CARMIL1: variants seen among roughly 807,000 people sequenced by gnomAD.
CARMIL1 encodes F-actin-uncapping protein LRRC16A.
A neutral mutation model predicts 177.1 loss-of-function variants in CARMIL1; 90 were observed. The ratio of observed to expected loss-of-function variants is 0.51; its 90% confidence interval spans 0.43 to 0.61. The LOEUF (loss-of-function observed/expected upper bound fraction) is 0.61, where lower values mean the gene tolerates loss of function less well. Among genes scored for constraint, CARMIL1 ranks in the 20% least tolerant of loss-of-function variants. The pLI is 0.00. For synonymous variants in CARMIL1, 577 were observed against 606.2 expected (o/e 0.95, Z 0.71); for missense variants, 1,380 against 1,667.0 (o/e 0.83, Z 3.00).
intron 2 of CARMIL1, among the ~76,000 whole-genome samples, chr6:25,372,633 G>A (rs1355174230): frequency 1.3e-5 from 2 of 152,094 alleles, no homozygotes; most frequent in African/African-American, 4.8e-5. Context: ...TCAAATCTAG[G>A]AGTCTTTTGG....
At chr6:25,564,471 C>T (rs1414132031) in intron 29 of CARMIL1, among the ~76,000 whole-genome samples, 2 of 152,134 alleles carry the variant, frequency 1.3e-5, no homozygotes, top group Non-Finnish European at 2.9e-5. Flanking sequence ...AATTTGTTAC[C>T]ATATGTACTC....
chr6:25,516,098 A>G (rs565287282), intron 21 of CARMIL1, among the ~76,000 whole-genome samples: 3 of 152,246 alleles, frequency 2.0e-5, no homozygotes, highest in African/African-American at 7.2e-5. Context: ...AACTGCCACA[A>G]TTTCCTATTT....
In CARMIL1 at chr6:25,441,337, A is replaced by ATATATATATATATATATG; in HGVS notation, c.371+5734_371+5735insATATATATATATATATGT. Among the ~76,000 whole-genome samples, 431 of 94,490 alleles carry ATATATATATATATATATG rather than the reference A, an allele frequency of 4.6e-3. 4 individuals are homozygous for ATATATATATATATATATG. Among genetic ancestry groups the ATATATATATATATATATG allele is most frequent in the Non-Finnish European group, 5.8e-3 (286 of 49,258 alleles). The allele number at this position is 94,490 out of a possible 152,430, so 62.0% of individuals were successfully genotyped here. A position where few individuals can be genotyped will look rare whatever the true frequency, so the allele number is the denominator to read the frequency against. ...CAAACAAACATATATATATATATAT[A>ATATATATATATATATATG]TGTGTGTGTGTGTGTGTGTGTGTGT... On this transcript the variant is annotated intron_variant, in intron 5 of 36. Transcript: ENST00000329474.
At chr6:25,452,243 T>C in intron 8 of CARMIL1, 1 of 763,552 alleles carries the variant, frequency 1.3e-6, no homozygotes, top group Non-Finnish European at 2.4e-6. Flanking sequence ...TTTTTCCTGC[T>C]TAGAGCAGTT....
chr6:25,514,419 C>T (rs301387), intron 20 of CARMIL1, among the ~76,000 whole-genome samples: 65,988 of 151,324 alleles, frequency 0.44, 14,736 homozygotes, highest in Middle Eastern at 0.52. Context: ...TGGTGGTGGG[C>T]GCCTGTAATC....
intron 29 of CARMIL1, among the ~76,000 whole-genome samples, chr6:25,557,822 T>C (rs1810765186): frequency 6.6e-6 from 1 of 152,214 alleles, no homozygotes; most frequent in African/African-American, 2.4e-5. Flanking sequence ...TACTTATTTA[T>C]AAACCACTGT....
intron 12 of CARMIL1, among the ~76,000 whole-genome samples, chr6:25,484,891 C>A (rs1802471196): frequency 6.6e-6 from 1 of 152,006 alleles, no homozygotes; most frequent in Non-Finnish European, 1.5e-5. Context: ...TTTTTAAAAA[C>A]CTGATTATAT....
At chr6:25,589,770 G>T (rs776450999) in intron 31 of CARMIL1, among the ~76,000 whole-genome samples, 1 of 152,136 alleles carries the variant, frequency 6.6e-6, no homozygotes, top group Admixed American at 6.5e-5. Context: ...TTACAGGTGC[G>T]AGTCACCACA....
At chr6:25,380,467 G>A (rs1791411833) in intron 2 of CARMIL1, among the ~76,000 whole-genome samples, 1 of 152,168 alleles carries the variant, frequency 6.6e-6, no homozygotes, top group South Asian at 2.1e-4. Flanking sequence ...GCTCTCTGGA[G>A]TGGTTTGCTG....
intron 3 of CARMIL1, among the ~76,000 whole-genome samples, chr6:25,425,054 A>G (rs1796170797): frequency 6.6e-6 from 1 of 152,254 alleles, no homozygotes; most frequent in African/African-American, 2.4e-5. Context: ...ATGACTTTTC[A>G]AAACCAAATT....
intron 2 of CARMIL1, among the ~76,000 whole-genome samples, chr6:25,325,350 G>C (rs953618865): frequency 2.0e-5 from 3 of 152,200 alleles, no homozygotes; most frequent in African/African-American, 7.2e-5. Flanking sequence ...ATTTGTAAAA[G>C]TGTCATCTGG....
intron 5 of CARMIL1, among the ~76,000 whole-genome samples, chr6:25,445,087 C>G (rs956562512): frequency 1.3e-5 from 2 of 152,184 alleles, no homozygotes; most frequent in African/African-American, 4.8e-5. Flanking sequence ...GAGATGGTAT[C>G]TCATTGTGGT....
intron 15 of CARMIL1, among the ~76,000 whole-genome samples, chr6:25,494,303 A>G (rs867905690): frequency 2.0e-5 from 3 of 152,244 alleles, no homozygotes; most frequent in Middle Eastern, 3.4e-3. Context: ...CTTACTCTGC[A>G]TCAGCCTAAG....
chr6:25,523,923 A>G (rs1806829253), intron 23 of CARMIL1, among the ~76,000 whole-genome samples: 1 of 152,202 alleles, frequency 6.6e-6, no homozygotes, highest in South Asian at 2.1e-4. Flanking sequence ...AAAAACTCCT[A>G]GGGGTCCAGT....
intron 5 of CARMIL1, among the ~76,000 whole-genome samples, chr6:25,436,420 T>C (rs1039260359): frequency 1.3e-5 from 2 of 152,240 alleles, no homozygotes; most frequent in African/African-American, 4.8e-5. Flanking sequence ...ATGTGTAGCA[T>C]GCTAGCTGTG....
chr6:25,560,613 G>C (rs892147110), intron 29 of CARMIL1, among the ~76,000 whole-genome samples: 1 of 152,164 alleles, frequency 6.6e-6, no homozygotes, highest in African/African-American at 2.4e-5. Context: ...AACTGAGGGA[G>C]AGAAAAGTAA....
intron 2 of CARMIL1, among the ~76,000 whole-genome samples, chr6:25,305,115 G>A (rs1783159307): frequency 1.3e-5 from 2 of 152,158 alleles, no homozygotes; most frequent in Admixed American, 6.5e-5. Context: ...TGTCCTGGTG[G>A]CAGAAGACAT....
intron 31 of CARMIL1, among the ~76,000 whole-genome samples, chr6:25,590,799 C>G (rs527657707): frequency 6.6e-6 from 1 of 152,024 alleles, no homozygotes; most frequent in Non-Finnish European, 1.5e-5. Flanking sequence ...ATTTCTTATA[C>G]TGATAGCTTT....
At chr6:25,506,327 G>C (rs4097269) in intron 17 of CARMIL1, among the ~76,000 whole-genome samples, 3 of 152,062 alleles carry the variant, frequency 2.0e-5, no homozygotes, top group African/African-American at 7.2e-5. Context: ...CAGGCAGATC[G>C]CTTGAGGTCA....
Sources: allele counts gnomAD v4.1 joint callset (sites outside exome capture counted in the v4.1 genomes callset), GRCh38; gene constraint gnomAD v4.1.1; transcripts MANE v1.5; gene names NCBI Gene and HGNC (gene_info 2026-07-23, HGNC 2026-07-21).